Variants in DLGAP2 observed in about 807,000 individuals in gnomAD.
DLGAP2 encodes DLG associated protein 2, also known as disks large-associated protein 2.
A neutral mutation model predicts 100.3 loss-of-function variants in DLGAP2; 26 were observed. That is an observed-to-expected ratio of 0.26 (90% CI 0.19 to 0.36). The LOEUF is 0.36. Ranked by LOEUF, DLGAP2 falls within the 10% of genes least tolerant of loss-of-function variation. The pLI is 1.00. For missense variants in DLGAP2, 1,858 were observed against 1,453.2 expected (o/e 1.28, Z -4.53); for synonymous variants, 886 against 630.1 (o/e 1.41, Z -6.08).
At chr8:1,570,855 GA>G (rs1802631086) in intron 6 of DLGAP2, among the ~76,000 whole-genome samples, 1 of 148,716 alleles carries the variant, frequency 6.7e-6, no homozygotes. Flanking sequence ...GAACTGTGGG[GA>G]TGTCTGATGA....
chr8:1,348,755 G>T (rs1181451545), intron 3 of DLGAP2, among the ~76,000 whole-genome samples: 2 of 152,342 alleles, frequency 1.3e-5, no homozygotes, highest in Non-Finnish European at 2.9e-5. Flanking sequence ...TTACACTCAT[G>T]ATGGCTTTGC....
chr8:1,616,127 T>C (rs1328767727), intron 6 of DLGAP2, among the ~76,000 whole-genome samples: 1 of 152,050 alleles, frequency 6.6e-6, no homozygotes, highest in African/African-American at 2.4e-5. Flanking sequence ...ATTTATGGGA[T>C]GTGTTTAAGA....
chr8:1,573,548 A>C (rs1802837542), intron 6 of DLGAP2, among the ~76,000 whole-genome samples: 1 of 152,052 alleles, frequency 6.6e-6, no homozygotes, highest in African/African-American at 2.4e-5. Flanking sequence ...CAGCTTGGGG[A>C]GCATATTCTT....
intron 2 of DLGAP2, among the ~76,000 whole-genome samples, chr8:964,810 C>T (rs1799807903): frequency 6.6e-6 from 1 of 152,224 alleles, no homozygotes; most frequent in Non-Finnish European, 1.5e-5. Context: ...TACTGGAAGC[C>T]CTTCCAGCGC....
At position 807,191 on chromosome 8, in the gene DLGAP2, C is replaced by T. The variant is rs138098652; in HGVS notation, c.18+69366C>T. Reference sequence around the variant, plus strand: ...TTCTCATCCTAAACTCCGAGTTCTTCTCTGGTGTGATGCAAAGGTACTCGT... The same window carrying T: ...TTCTCATCCTAAACTCCGAGTTCTTTTCTGGTGTGATGCAAAGGTACTCGT... On this transcript the variant is annotated intron_variant, in intron 1 of 14. Coordinates refer to ENST00000637795, the MANE Select transcript of DLGAP2 (RefSeq NM_001346810.2). Among the ~76,000 whole-genome samples the T allele has an allele frequency of 1.5e-4, 23 of 152,352 alleles. No homozygotes were observed. In the East Asian group the frequency reaches 2.5e-3, roughly 17 times the overall value.
intron 12 of DLGAP2, among the ~76,000 whole-genome samples, chr8:1,679,550 G>T (rs898489717): frequency 2.0e-5 from 3 of 152,250 alleles, no homozygotes; most frequent in African/African-American, 7.2e-5. Context: ...GGAGGGCCGT[G>T]TCATTCTTCT....
At chr8:1,003,333 G>A (rs1801014974) in intron 2 of DLGAP2, 1 of 152,250 alleles carries the variant, frequency 6.6e-6, no homozygotes, top group Non-Finnish European at 1.5e-5. Flanking sequence ...AGTTTTCATG[G>A]GTGGCCCGAC....
chr8:1,061,595 C>T (rs1585024174), intron 2 of DLGAP2, among the ~76,000 whole-genome samples: 1 of 152,048 alleles, frequency 6.6e-6, no homozygotes. Context: ...TCGCTACTCC[C>T]AAGAGCAGCA....
chr8:1,101,532 G>C (rs1263968923), intron 2 of DLGAP2, among the ~76,000 whole-genome samples: 2 of 152,120 alleles, frequency 1.3e-5, no homozygotes, highest in Non-Finnish European at 2.9e-5. Context: ...GGCTGGGGGT[G>C]GAGGGGGCAT....
At chr8:747,219 A>G (rs533778815) in intron 1 of DLGAP2, among the ~76,000 whole-genome samples, 1 of 151,208 alleles carries the variant, frequency 6.6e-6, no homozygotes, top group South Asian at 2.1e-4. Flanking sequence ...TACTACCCAC[A>G]ACGCGTCATA....
At chr8:1,359,300 T>C (rs1023696807) in intron 3 of DLGAP2, among the ~76,000 whole-genome samples, 17 of 152,216 alleles carry the variant, frequency 1.1e-4, no homozygotes, top group Non-Finnish European at 1.6e-4. Flanking sequence ...AGGCGGTCCA[T>C]GCGCCCTGGT....
At chr8:791,202 C>G (rs1463177077) in intron 1 of DLGAP2, among the ~76,000 whole-genome samples, 1 of 152,264 alleles carries the variant, frequency 6.6e-6, no homozygotes, top group East Asian at 1.9e-4. Context: ...TAATAATCAG[C>G]CCTAATCCTG....
intron 10 of DLGAP2, among the ~76,000 whole-genome samples, chr8:1,670,400 C>T (rs1054218977): frequency 5.3e-5 from 8 of 152,336 alleles, no homozygotes; most frequent in African/African-American, 1.9e-4. Flanking sequence ...CTGCTGAGTA[C>T]AGGCTTCTCC....
intron 3 of DLGAP2, among the ~76,000 whole-genome samples, chr8:1,387,008 A>C (rs915162681): frequency 2.0e-5 from 3 of 152,248 alleles, no homozygotes; most frequent in African/African-American, 7.2e-5. Context: ...AAATAAATTT[A>C]ATACTAAATG....
At chr8:1,437,166 G>C (rs1379226246) in intron 3 of DLGAP2, among the ~76,000 whole-genome samples, 2 of 148,888 alleles carry the variant, frequency 1.3e-5, no homozygotes, top group African/African-American at 2.5e-5. Flanking sequence ...GCGCAGGCGC[G>C]TAAGGGTGAC....
At chr8:828,125 C>G (rs1021747439) in intron 1 of DLGAP2, among the ~76,000 whole-genome samples, 3 of 152,114 alleles carry the variant, frequency 2.0e-5, no homozygotes, top group Admixed American at 1.3e-4. Flanking sequence ...AGGACCGAAG[C>G]GAAATTAAAA....
At chr8:1,031,260 G>C (rs1034320816) in intron 2 of DLGAP2, among the ~76,000 whole-genome samples, 2 of 152,174 alleles carry the variant, frequency 1.3e-5, no homozygotes, top group African/African-American at 4.8e-5. Flanking sequence ...TGAAGTTCAG[G>C]ATGGAGGAGA....
At chr8:887,899 C>T (rs1563080383) in intron 1 of DLGAP2, among the ~76,000 whole-genome samples, 2 of 152,104 alleles carry the variant, frequency 1.3e-5, no homozygotes, top group East Asian at 1.9e-4. Flanking sequence ...TCTGTATTTC[C>T]TGAATTCCTA....
chr8:1,444,757 T>A (rs1385769634), intron 3 of DLGAP2, among the ~76,000 whole-genome samples: 3 of 150,826 alleles, frequency 2.0e-5, no homozygotes, highest in East Asian at 3.9e-4. Flanking sequence ...GATCATGCTT[T>A]GAGCCAGGTC....
Sources: gnomAD v4.1 joint callset for allele counts (sites outside exome capture counted in the v4.1 genomes callset) on GRCh38, gnomAD v4.1.1 for gene constraint, MANE v1.5 for transcripts, NCBI Gene and HGNC (gene_info 2026-07-23, HGNC 2026-07-21) for gene names.